CENPP: variants seen among roughly 807,000 people sequenced by gnomAD.
CENPP encodes centromere protein P.
In CENPP, 24 loss-of-function variants were observed where a neutral mutation model predicts 35.6. The observed-to-expected ratio is 0.67, with a 90% CI of 0.49 to 0.95. The LOEUF (loss-of-function observed/expected upper bound fraction) is 0.95. Among genes scored for constraint, CENPP ranks in the 40% least tolerant of loss-of-function variants. The pLI is 0.00. For synonymous variants in CENPP, 120 were observed against 125.5 expected (o/e 0.96, Z 0.29); for missense variants, 332 against 345.3 (o/e 0.96, Z 0.31).
chr9:92,344,815 C>G (rs1258029091), intron 3 of CENPP, among the ~76,000 whole-genome samples: 1 of 151,058 alleles, frequency 6.6e-6, no homozygotes, highest in East Asian at 2.0e-4. Flanking sequence ...TCCCAAAGTG[C>G]TGGATTACAG....
At chr9:92,335,767 C>T (rs1260090636) in intron 2 of CENPP, among the ~76,000 whole-genome samples, 1 of 152,136 alleles carries the variant, frequency 6.6e-6, no homozygotes, top group Non-Finnish European at 1.5e-5. Flanking sequence ...TCACTAATAC[C>T]ATACTGTCTT....
At chr9:92,500,592 A>C (rs1043699682) in intron 5 of CENPP, 1 of 818,688 alleles carries the variant, frequency 1.2e-6, no homozygotes, top group African/African-American at 1.7e-5. Flanking sequence ...AACATTTGCC[A>C]ATCTTGTTTA....
At chr9:92,570,404 A>C (rs1850104521) in intron 5 of CENPP, among the ~76,000 whole-genome samples, 1 of 152,214 alleles carries the variant, frequency 6.6e-6, no homozygotes, top group Admixed American at 6.5e-5. Flanking sequence ...ATGTTGAACC[A>C]GCCTTGCATC....
intron 5 of CENPP, among the ~76,000 whole-genome samples, chr9:92,557,666 CAG>C (rs1466541484): frequency 1.2e-4 from 18 of 152,214 alleles, no homozygotes; most frequent in African/African-American, 3.4e-4. Context: ...TGTTTTGAGA[CAG>C]AGTCTTGCTC....
intron 4 of CENPP, among the ~76,000 whole-genome samples, chr9:92,355,475 C>G (rs1329931287): frequency 1.3e-5 from 2 of 152,064 alleles, no homozygotes; most frequent in Non-Finnish European, 2.9e-5. Context: ...GTATGCACTA[C>G]AGCTGCAAAA....
chr9:92,355,190 G>GT (rs1221558906), intron 4 of CENPP, among the ~76,000 whole-genome samples: 1 of 152,166 alleles, frequency 6.6e-6, no homozygotes, highest in Non-Finnish European at 1.5e-5. Context: ...TAGTAAGCCT[G>GT]TGAGGGTACT....
chr9:92,363,612 G>C (rs950006898), intron 4 of CENPP, among the ~76,000 whole-genome samples: 1 of 152,114 alleles, frequency 6.6e-6, no homozygotes, highest in Non-Finnish European at 1.5e-5. Context: ...TTATCAGAAT[G>C]TATCCCTGTT....
chr9:92,443,875 C>G (rs1844485150), intron 5 of CENPP, among the ~76,000 whole-genome samples: 2 of 152,146 alleles, frequency 1.3e-5, no homozygotes, highest in African/African-American at 4.8e-5. Context: ...TTTGGCCAGG[C>G]TGGTCTCAAA....
chr9:92,432,981 T>C (rs1324760166), intron 5 of CENPP, among the ~76,000 whole-genome samples: 1 of 152,208 alleles, frequency 6.6e-6, no homozygotes, highest in Non-Finnish European at 1.5e-5. Flanking sequence ...TTTCATGGTA[T>C]TGATTTATTT....
In CENPP at chr9:92,606,185, C is replaced by T. The variant is rs376733686; in HGVS notation, c.565-5129C>T. Among the ~76,000 whole-genome samples the T allele has an allele frequency of 2.6e-5, 4 of 152,198 alleles. No individual in the cohort carries two copies. In the East Asian group the frequency reaches 7.7e-4, roughly 29 times the overall value. On this transcript the variant is annotated intron_variant, in intron 5 of 7. Transcript: ENST00000375587. Reference sequence around the variant, plus strand: ...GCTGAGGTGGGAGAATTGCTTGAGCCTGGGAGGTAGAGATTGCAGTGAGCC... The same window carrying T: ...GCTGAGGTGGGAGAATTGCTTGAGCTTGGGAGGTAGAGATTGCAGTGAGCC...
chr9:92,336,978 A>G (rs1028389747), intron 2 of CENPP, among the ~76,000 whole-genome samples: 21 of 152,232 alleles, frequency 1.4e-4, no homozygotes, highest in African/African-American at 4.8e-4. Flanking sequence ...AAATTTGTCT[A>G]GGGTTATACT....
intron 5 of CENPP, among the ~76,000 whole-genome samples, chr9:92,501,523 A>G (rs1846676457): frequency 6.6e-6 from 1 of 152,112 alleles, no homozygotes; most frequent in African/African-American, 2.4e-5. Flanking sequence ...TGATTTGATG[A>G]CCTGGCACAC....
intron 1 of CENPP, among the ~76,000 whole-genome samples, chr9:92,326,440 G>A (rs1364346523): frequency 6.6e-6 from 1 of 152,200 alleles, no homozygotes; most frequent in Non-Finnish European, 1.5e-5. Context: ...TTGGTTTCAT[G>A]GCATTTGTTT....
intron 5 of CENPP, among the ~76,000 whole-genome samples, chr9:92,546,176 C>T (rs946406837): frequency 2.6e-5 from 4 of 152,168 alleles, no homozygotes; most frequent in Non-Finnish European, 4.4e-5. Flanking sequence ...CGATTGTAAA[C>T]GCACCAGTCA....
chr9:92,344,886 C>T (rs1179115328), intron 3 of CENPP, among the ~76,000 whole-genome samples: 1 of 148,140 alleles, frequency 6.8e-6, no homozygotes, highest in East Asian at 2.2e-4. Flanking sequence ...GGCATCTTAT[C>T]GGCCAGGCGC....
intron 5 of CENPP, among the ~76,000 whole-genome samples, chr9:92,558,734 G>T (rs561137308): frequency 2.3e-4 from 35 of 152,220 alleles, no homozygotes; most frequent in African/African-American, 7.7e-4. Context: ...TCAGCTACCA[G>T]GGTGGATAGG....
intron 5 of CENPP, chr9:92,459,821 TAG>T (rs1224208469): frequency 1.9e-6 from 3 of 1,570,530 alleles, no homozygotes; most frequent in Non-Finnish European, 1.7e-6. Context: ...TTAGGTGTGA[TAG>T]AGTTAGCTGA....
chr9:92,556,937 T>C lies in CENPP; in HGVS notation c.565-54377T>C, dbSNP rs182713598. On this transcript the variant is annotated intron_variant, in intron 5 of 7. Transcript: ENST00000375587. ...TGTTTTATAGGTCCTGTGTGATTTA[T>C]GCTTTAAAGAGGTTCTATTGTCATG... is the stretch of plus-strand genomic sequence containing the variant. Among the ~76,000 whole-genome samples the C allele has an allele frequency of 2.0e-4, 30 of 152,360 alleles. 1 individual carries two copies. The East Asian group carries it at 4.2e-3, about 22-fold the overall frequency.
At chr9:92,352,801 A>G (rs1459484168) in intron 4 of CENPP, among the ~76,000 whole-genome samples, 1 of 151,680 alleles carries the variant, frequency 6.6e-6, no homozygotes, top group African/African-American at 2.4e-5. Context: ...ATTAAGGGTG[A>G]GTCTGCCTTC....
Sources: gnomAD v4.1 joint callset for allele counts (sites outside exome capture counted in the v4.1 genomes callset) on GRCh38, gnomAD v4.1.1 for gene constraint, MANE v1.5 for transcripts, NCBI Gene and HGNC (gene_info 2026-07-23, HGNC 2026-07-21) for gene names.